BFSP2: variants seen among roughly 807,000 people sequenced by gnomAD.
The protein encoded by BFSP2 is beaded filament structural protein 2.
BFSP2 carries 38 observed loss-of-function variants against 44.9 expected under a neutral mutation model. The observed-to-expected ratio is 0.85, with a 90% confidence interval of 0.65 to 1.11. The LOEUF is 1.11. Among genes scored for constraint, BFSP2 ranks in the 50% least tolerant of loss-of-function variants. The probability of loss-of-function intolerance (pLI) is 0.00; values close to 1 mark genes in which losing one functional copy is unlikely to be tolerated. For synonymous variants in BFSP2, 197 were observed against 209.9 expected (o/e 0.94, Z 0.53); for missense variants, 525 against 533.0 (o/e 0.99, Z 0.15).
chr3:133,441,508 T>C (rs2073845050), intron 1 of BFSP2, among the ~76,000 whole-genome samples: 1 of 152,100 alleles, frequency 6.6e-6, no homozygotes, highest in Non-Finnish European at 1.5e-5. Flanking sequence ...ACTTGGGGAA[T>C]TGTTGGTTTT....
chr3:133,417,941 CTCTCCCCTCTACTCACCTCTGTCA>C (rs2073558494), intron 1 of BFSP2, among the ~76,000 whole-genome samples: 1 of 139,472 alleles, frequency 7.2e-6, no homozygotes, highest in South Asian at 2.6e-4. Flanking sequence ...CTCACCCGTC[CTCTCCCCTCTACTCACCTCTGTCA>C]TCTCCCCTCT....
chr3:133,425,800 G>GAAGGGAAATA (rs2073641301), intron 1 of BFSP2, among the ~76,000 whole-genome samples: 1 of 108,828 alleles, frequency 9.2e-6, no homozygotes, highest in African/African-American at 3.1e-5. Context: ...GAAGGGAAGG[G>GAAGGGAAATA]AAGAAGGGAA....
chr3:133,435,519 G>A (rs777595171), intron 1 of BFSP2, among the ~76,000 whole-genome samples: 8 of 152,150 alleles, frequency 5.3e-5, no homozygotes, highest in Non-Finnish European at 1.0e-4. Context: ...TCAGAATCTT[G>A]GTCTCACATG....
At chr3:133,458,839 A>G (rs1367320737) in intron 4 of BFSP2, among the ~76,000 whole-genome samples, 1 of 152,044 alleles carries the variant, frequency 6.6e-6, no homozygotes, top group East Asian at 1.9e-4. Context: ...CAACATTGCA[A>G]CCTCTTTCTT....
At chr3:133,405,113 T>A (rs111460544) in intron 1 of BFSP2, among the ~76,000 whole-genome samples, 3,211 of 151,902 alleles carry the variant, frequency 0.021, 38 homozygotes, top group African/African-American at 0.034. Context: ...GAGAGTGGGG[T>A]CAGAGGAGCA....
At chr3:133,413,577 T>C (rs1032733264) in intron 1 of BFSP2, among the ~76,000 whole-genome samples, 60 of 152,240 alleles carry the variant, frequency 3.9e-4, no homozygotes, top group African/African-American at 1.4e-3. Flanking sequence ...ATCCACCGAA[T>C]TTGAGGACTC....
intron 1 of BFSP2, among the ~76,000 whole-genome samples, chr3:133,433,963 A>C (rs1298123776): frequency 6.6e-6 from 1 of 152,124 alleles, no homozygotes; most frequent in Non-Finnish European, 1.5e-5. Context: ...GTGCCCCAAA[A>C]AACTTGTCAT....
At position 133,400,182 on chromosome 3, in the gene BFSP2, A is replaced by C; in HGVS notation, c.99A>C (p.Ser33=). The C allele has an allele frequency of 6.2e-7, 1 of 1,614,078 alleles. No homozygotes were observed. The highest frequency in any genetic ancestry group is 2.2e-5 in the East Asian group (1 of 44,876). Reference sequence around the variant, plus strand: ...CGTCCTTCAGGGGGCCACGGTCATCATCCTCCCTGGAGAGCCCCCCAGCCT... The same window carrying C: ...CGTCCTTCAGGGGGCCACGGTCATCCTCCTCCCTGGAGAGCCCCCCAGCCT... ...RRASFRGPRS[S]SSLESPPASR... is the part of the protein sequence containing the mutation. Residue 33 remains serine, a synonymous_variant, in exon 1 of 7, where the codon TCA becomes TCC. Transcript: ENST00000302334. The surrounding 1 kb of genome is among the most constrained non-coding windows in gnomAD (Gnocchi z 4.0).
chr3:133,416,375 C>T (rs2073529640), intron 1 of BFSP2, among the ~76,000 whole-genome samples: 2 of 136,596 alleles, frequency 1.5e-5, no homozygotes, highest in South Asian at 2.5e-4. Context: ...TCATGCCTGC[C>T]CTCTCCCCTC....
intron 3 of BFSP2, among the ~76,000 whole-genome samples, chr3:133,449,990 G>GAAAGAAAGAAAGA (rs2073944133): frequency 9.8e-6 from 1 of 101,636 alleles, no homozygotes; most frequent in African/African-American, 4.9e-5. Context: ...GGAAAGGAAG[G>GAAAGAAAGAAAGA]AAGGAAGGAA....
chr3:133,433,671 T>G (rs2073752005), intron 1 of BFSP2, among the ~76,000 whole-genome samples: 1 of 152,186 alleles, frequency 6.6e-6, no homozygotes, highest in Non-Finnish European at 1.5e-5. Context: ...CCTTCCCACC[T>G]CTATACATTC....
At chr3:133,466,335 AAAAT>A (rs1396644964) in intron 4 of BFSP2, among the ~76,000 whole-genome samples, 1 of 152,120 alleles carries the variant, frequency 6.6e-6, no homozygotes, top group Non-Finnish European at 1.5e-5. Context: ...TCGTATGTTC[AAAAT>A]AAATACATTT....
intron 1 of BFSP2, among the ~76,000 whole-genome samples, chr3:133,442,058 G>A (rs1188290932): frequency 6.6e-6 from 1 of 152,186 alleles, no homozygotes; most frequent in Non-Finnish European, 1.5e-5. Flanking sequence ...AGCATGCAGG[G>A]CCTTGAAGGC....
At chr3:133,438,810 G>A (rs1377221738) in intron 1 of BFSP2, among the ~76,000 whole-genome samples, 1 of 152,180 alleles carries the variant, frequency 6.6e-6, no homozygotes, top group Non-Finnish European at 1.5e-5. Context: ...GGTAGGTAGA[G>A]ATTGTAAAAT....
At chr3:133,434,051 A>G (rs777387610) in intron 1 of BFSP2, among the ~76,000 whole-genome samples, 1 of 152,158 alleles carries the variant, frequency 6.6e-6, no homozygotes, top group Non-Finnish European at 1.5e-5. Context: ...TTACACTGCC[A>G]GTTTACACTG....
chr3:133,453,991 T>C (rs2073990572), intron 4 of BFSP2, among the ~76,000 whole-genome samples: 1 of 152,214 alleles, frequency 6.6e-6, no homozygotes, highest in Non-Finnish European at 1.5e-5. Flanking sequence ...GATTCAGTGA[T>C]GACAGGATCA....
intron 1 of BFSP2, among the ~76,000 whole-genome samples, chr3:133,420,811 C>T (rs191440400): frequency 3.3e-5 from 5 of 152,298 alleles, no homozygotes; most frequent in African/African-American, 1.2e-4. Flanking sequence ...GTGCCTCTCA[C>T]GTGCTGAGCA....
In BFSP2 at chr3:133,443,595, C is replaced by A. The variant is rs372497464; in HGVS notation, c.490-3722C>A. On this transcript the variant is annotated intron_variant, in intron 1 of 6. Coordinates refer to ENST00000302334, the MANE Select transcript of BFSP2 (RefSeq NM_003571.4). ...TCTGCCGGGCTTGGTAATACGGTGG[C>A]CTTGTTATTAAGAGCAGTATCACTG... Among the ~76,000 whole-genome samples, 650 of 152,258 alleles carry A rather than the reference C, an allele frequency of 4.3e-3. 3 individuals carry two copies. Among genetic ancestry groups the A allele is most frequent in the Admixed American group, 7.8e-3 (120 of 15,298 alleles).
At chr3:133,419,325 C>A (rs1359325902) in intron 1 of BFSP2, among the ~76,000 whole-genome samples, 1 of 152,166 alleles carries the variant, frequency 6.6e-6, no homozygotes, top group Non-Finnish European at 1.5e-5. Flanking sequence ...GCCCGTAATA[C>A]CCATTTTACA....
Sources: gnomAD v4.1 joint callset for allele counts (sites outside exome capture counted in the v4.1 genomes callset) on GRCh38, gnomAD v4.1.1 for gene constraint, Gnocchi (gnomAD v3.1) non-coding constraint, MANE v1.5 for transcripts, NCBI Gene and HGNC (gene_info 2026-07-23, HGNC 2026-07-21) for gene names.